The following RYR3 variants were observed in gnomAD, a reference collection of about 807,000 sequenced individuals.
RYR3 encodes the protein brain ryanodine receptor-calcium release channel.
A neutral mutation model predicts 584.3 loss-of-function variants in RYR3; 207 were observed. That is an observed-to-expected ratio of 0.35 (90% CI 0.32 to 0.40). The LOEUF (loss-of-function observed/expected upper bound fraction) is 0.40, where lower values mean the gene tolerates loss of function less well. RYR3 is among the 10% of genes least tolerant of loss of function. The pLI, the probability that RYR3 is intolerant of heterozygous loss-of-function variation, is 1.00. For synonymous variants in RYR3, 2,416 were observed against 2,248.5 expected (o/e 1.07, Z -2.11); for missense variants, 5,616 against 6,089.2 (o/e 0.92, Z 2.59).
At chr15:33,699,297 C>A (rs2066110177) in intron 40 of RYR3, among the ~76,000 whole-genome samples, 1 of 126,184 alleles carries the variant, frequency 7.9e-6, no homozygotes, top group South Asian at 3.1e-4. Context: ...TCTCCTCTTT[C>A]TCTCCTCACT....
At chr15:33,633,730 G>A (rs2061372058) in intron 24 of RYR3, among the ~76,000 whole-genome samples, 1 of 152,220 alleles carries the variant, frequency 6.6e-6, no homozygotes, top group South Asian at 2.1e-4. Context: ...TTATACATAT[G>A]AGTTTGGGTG....
intron 1 of RYR3, among the ~76,000 whole-genome samples, chr15:33,331,658 AC>A (rs1352504005): frequency 1.3e-5 from 2 of 152,108 alleles, no homozygotes; most frequent in Non-Finnish European, 2.9e-5. Flanking sequence ...CAGAAAAAAA[AC>A]AAACCTAAGA....
chr15:33,632,872 GT>G, intron 23 of RYR3, 76 bp from the exon 24 acceptor site: 1 of 1,291,472 alleles, frequency 7.7e-7, no homozygotes, highest in Non-Finnish European at 1.1e-6. Flanking sequence ...TTCTTACCAT[GT>G]GCTCTTGGTC....
At chr15:33,341,847 TAA>T (rs58418395) in intron 1 of RYR3, among the ~76,000 whole-genome samples, 1 of 149,624 alleles carries the variant, frequency 6.7e-6, no homozygotes, top group South Asian at 2.1e-4. Flanking sequence ...TAGAAAAAAT[TAA>T]AAAAAAAAAT....
chr15:33,596,711 A>G (rs181078625), intron 16 of RYR3, among the ~76,000 whole-genome samples: 2 of 152,310 alleles, frequency 1.3e-5, no homozygotes, highest in Admixed American at 1.3e-4. Context: ...ATAATATATT[A>G]TTGTTAACTA....
intron 1 of RYR3, among the ~76,000 whole-genome samples, chr15:33,344,893 G>C (rs981618912): frequency 2.6e-5 from 4 of 152,190 alleles, no homozygotes; most frequent in Non-Finnish European, 5.9e-5. Context: ...CAGAGGGTTA[G>C]CAGAAGTTCT....
chr15:33,442,542 T>A (rs926069605), intron 1 of RYR3, among the ~76,000 whole-genome samples: 8 of 152,202 alleles, frequency 5.3e-5, no homozygotes, highest in Non-Finnish European at 8.8e-5. Flanking sequence ...GGGGAGTGAG[T>A]TTGCAAAGAC....
chr15:33,466,617 C>T (rs1326068760), intron 1 of RYR3, among the ~76,000 whole-genome samples: 1 of 152,208 alleles, frequency 6.6e-6, no homozygotes, highest in Non-Finnish European at 1.5e-5. Context: ...CTCCTTCAAT[C>T]TGTTAACCTT....
intron 58 of RYR3, among the ~76,000 whole-genome samples, chr15:33,755,591 TG>T: frequency 6.6e-6 from 1 of 152,216 alleles, no homozygotes; most frequent in South Asian, 2.1e-4. Flanking sequence ...CACTCCAGCC[TG>T]GGGACAGAGT....
intron 38 of RYR3, among the ~76,000 whole-genome samples, chr15:33,691,339 A>G (rs899989853): frequency 2.0e-5 from 3 of 152,182 alleles, no homozygotes; most frequent in Admixed American, 2.0e-4. Flanking sequence ...AAATAGTTTA[A>G]AAATCACATT....
At chr15:33,445,221 G>A (rs2046533164) in intron 1 of RYR3, among the ~76,000 whole-genome samples, 1 of 152,164 alleles carries the variant, frequency 6.6e-6, no homozygotes, top group Admixed American at 6.5e-5. Flanking sequence ...AGACTTAGCA[G>A]TGAGGGTGAT....
intron 62 of RYR3, 126 bp from the exon 63 acceptor site, chr15:33,771,794 C>G (rs1036102655): frequency 5.9e-6 from 4 of 673,678 alleles, no homozygotes; most frequent in African/African-American, 1.8e-5. Flanking sequence ...CTCCCTTTCT[C>G]CTGACACAGT....
intron 60 of RYR3, among the ~76,000 whole-genome samples, chr15:33,768,016 G>A (rs909755037): frequency 4.6e-5 from 7 of 152,188 alleles, no homozygotes; most frequent in African/African-American, 1.7e-4. Context: ...AAAGCATAAA[G>A]GAGAGTCAAA....
At chr15:33,675,980 G>GC (rs34335833) in intron 38 of RYR3, among the ~76,000 whole-genome samples, 21 of 151,640 alleles carry the variant, frequency 1.4e-4, no homozygotes, top group Admixed American at 6.6e-4. Flanking sequence ...CAGGATAATT[G>GC]CCCCCCAAAG....
At chr15:33,622,359 T>C (rs546702801) in intron 19 of RYR3, among the ~76,000 whole-genome samples, 1 of 152,318 alleles carries the variant, frequency 6.6e-6, no homozygotes, top group South Asian at 2.1e-4. Context: ...CCTGAAATGC[T>C]CTTCCTCCAG....
At position 33,440,982 on chromosome 15, in the gene RYR3, G is replaced by A. The variant is rs2676020; in HGVS notation, c.52-32437G>A. The stretch of plus-strand genomic sequence containing the variant: ...ACTGGCTCTTTCTTGTGGTGGTAAC[G>A]ATGATTTCTTGAGTCGCTTGGTGTT... On this transcript the variant is annotated intron_variant, in intron 1 of 103. Transcript: ENST00000634891. Among the ~76,000 whole-genome samples, 1,151 of 152,284 alleles carry A rather than the reference G, an allele frequency of 7.6e-3. 22 individuals are homozygous for A. Among genetic ancestry groups the A allele is most frequent in the African/African-American group, 0.026 (1,078 of 41,562 alleles).
At chr15:33,630,430 C>T (rs1421396112) in intron 22 of RYR3, among the ~76,000 whole-genome samples, 1 of 152,222 alleles carries the variant, frequency 6.6e-6, no homozygotes, top group African/African-American at 2.4e-5. Context: ...CGTGATGCTA[C>T]CCATGGGCCT....
intron 18 of RYR3, among the ~76,000 whole-genome samples, chr15:33,611,633 G>A (rs1202611363): frequency 1.3e-5 from 2 of 151,778 alleles, no homozygotes; most frequent in Non-Finnish European, 2.9e-5. Context: ...ATATATATTT[G>A]GAAGAATTTT....
chr15:33,845,161 A>G, intron 93 of RYR3, 99 bp downstream of exon 93: 1 of 1,253,074 alleles, frequency 8.0e-7, no homozygotes, highest in Non-Finnish European at 1.1e-6. Flanking sequence ...TGCTAGCCGT[A>G]AAGGCCTTCG....
Sources: gnomAD v4.1 joint callset for allele counts (sites outside exome capture counted in the v4.1 genomes callset) on GRCh38, gnomAD v4.1.1 for gene constraint, MANE v1.5 for transcripts, NCBI Gene and HGNC (gene_info 2026-07-23, HGNC 2026-07-21) for gene names.